The following CACNA1E variants were observed in gnomAD, a reference collection of about 807,000 sequenced individuals.
CACNA1E encodes the protein calcium voltage-gated channel subunit alpha1 E.
A neutral mutation model predicts 259.2 loss-of-function variants in CACNA1E; 40 were observed. The observed-to-expected ratio is 0.15, with a 90% CI of 0.12 to 0.20. CACNA1E has a LOEUF of 0.20. Ranked by LOEUF, CACNA1E falls within the 10% of genes least tolerant of loss-of-function variation. CACNA1E has a pLI of 1.00. For missense variants in CACNA1E, 1,874 were observed against 3,040.1 expected, an observed-to-expected ratio of 0.62 and a Z score of 9.02; for synonymous variants, 1,104 against 1,138.5, an observed-to-expected ratio of 0.97 and a Z score of 0.61.
At chr1:181,358,582 G>T (rs1315972940) in intron 1 of CACNA1E, among the ~76,000 whole-genome samples, 2 of 152,174 alleles carry the variant, frequency 1.3e-5, no homozygotes, top group African/African-American at 2.4e-5. Flanking sequence ...ACTAGGCATG[G>T]AGATTTCTTG....
chr1:181,417,492 T>C (rs1658355291), intron 2 of CACNA1E, among the ~76,000 whole-genome samples: 1 of 152,170 alleles, frequency 6.6e-6, no homozygotes, highest in Non-Finnish European at 1.5e-5. Flanking sequence ...CTGGCAAGAC[T>C]TCAGCCCTGC....
chr1:181,542,824 C>T (rs1390765923), intron 3 of CACNA1E, among the ~76,000 whole-genome samples: 1 of 149,904 alleles, frequency 6.7e-6, no homozygotes, highest in Non-Finnish European at 1.5e-5. Context: ...AGTAATGTTA[C>T]CTAAAGTAAC....
chr1:181,329,951 A>G (rs1651118184), intron 1 of CACNA1E, among the ~76,000 whole-genome samples: 1 of 152,084 alleles, frequency 6.6e-6, no homozygotes, highest in African/African-American at 2.4e-5. Context: ...GGTCCAAGGG[A>G]GTGGAGGGGA....
At chr1:181,607,179 T>C (rs1654316086) in intron 6 of CACNA1E, among the ~76,000 whole-genome samples, 1 of 152,220 alleles carries the variant, frequency 6.6e-6, no homozygotes. Flanking sequence ...AACACTTTTG[T>C]GCCTAGGGCT....
intron 10 of CACNA1E, 78 bp downstream of exon 10, chr1:181,716,207 C>G: frequency 1.1e-6 from 1 of 887,670 alleles, no homozygotes; most frequent in Non-Finnish European, 1.8e-6. Flanking sequence ...AGAAGCACCA[C>G]AAGGAGGGAA....
chr1:181,677,128 G>A (rs1380292616), intron 7 of CACNA1E, among the ~76,000 whole-genome samples: 2 of 151,972 alleles, frequency 1.3e-5, no homozygotes, highest in Admixed American at 1.3e-4. Context: ...GGGTAGGACT[G>A]GGCTTCTGTG....
chr1:181,589,322 A>C (rs1018618081), intron 6 of CACNA1E, among the ~76,000 whole-genome samples: 3 of 152,198 alleles, frequency 2.0e-5, no homozygotes, highest in African/African-American at 7.2e-5. Flanking sequence ...CAAGCCTACT[A>C]TGTGAATTTC....
At chr1:181,459,240 T>G (rs749377374) in intron 2 of CACNA1E, among the ~76,000 whole-genome samples, 2 of 152,236 alleles carry the variant, frequency 1.3e-5, no homozygotes, top group African/African-American at 2.4e-5. Flanking sequence ...CTTAATGCCC[T>G]AAGGCAGAAG....
rs192591601 is a variant in CACNA1E at position 181,332,830 on chromosome 1, T to C, written c.-15+14707T>C. 3.9e-5 allele frequency among the ~76,000 whole-genome samples: 6 copies of C among 152,344 alleles called. No homozygotes were observed. The East Asian group carries it at 1.2e-3, about 29-fold the overall frequency. Reference sequence around the variant, plus strand: ...AAACTGATAAAATGCACACTCCAAATGCTGATATTACATCTGGGACCCCAC... The same window carrying C: ...AAACTGATAAAATGCACACTCCAAACGCTGATATTACATCTGGGACCCCAC... On this transcript the variant is annotated intron_variant, in intron 1 of 11. Transcript: ENST00000524607.
At chr1:181,794,034 T>C (rs1661568046) in intron 45 of CACNA1E, among the ~76,000 whole-genome samples, 1 of 152,138 alleles carries the variant, frequency 6.6e-6, no homozygotes, top group Admixed American at 6.5e-5. Flanking sequence ...GGTTAAACAT[T>C]CTCAAGATTC....
chr1:181,660,078 G>A (rs1647487624), intron 7 of CACNA1E, among the ~76,000 whole-genome samples: 1 of 152,204 alleles, frequency 6.6e-6, no homozygotes, highest in East Asian at 1.9e-4. Context: ...CCCGGTATGT[G>A]TACAGGGCAG....
At chr1:181,750,986 G>A (rs1269114600) in intron 26 of CACNA1E, among the ~76,000 whole-genome samples, 1 of 152,036 alleles carries the variant, frequency 6.6e-6, no homozygotes, top group Non-Finnish European at 1.5e-5. Flanking sequence ...AGGGGGGTGG[G>A]GTAGGGGGGT....
At chr1:181,641,916 C>T (rs1210629214) in intron 6 of CACNA1E, among the ~76,000 whole-genome samples, 1 of 151,734 alleles carries the variant, frequency 6.6e-6, no homozygotes, top group African/African-American at 2.4e-5. Context: ...GTTTCACCAT[C>T]TTGGCCAGGC....
intron 7 of CACNA1E, 82 bp from the exon 8 acceptor site, chr1:181,710,872 T>C: frequency 4.0e-6 from 4 of 987,710 alleles, no homozygotes; most frequent in Non-Finnish European, 4.9e-6. Flanking sequence ...GCTCAGATGC[T>C]CTCTCTCTGT....
chr1:181,352,279 G>A (rs1356278001), intron 1 of CACNA1E, among the ~76,000 whole-genome samples: 1 of 152,168 alleles, frequency 6.6e-6, no homozygotes, highest in East Asian at 1.9e-4. Flanking sequence ...GAGTAAAAGG[G>A]CGGAGAGCAG....
intron 2 of CACNA1E, among the ~76,000 whole-genome samples, chr1:181,439,478 G>T (rs1471990539): frequency 6.6e-6 from 1 of 151,956 alleles, no homozygotes; most frequent in Non-Finnish European, 1.5e-5. Flanking sequence ...GTGTGAAACC[G>T]GTATACACAA....
At chr1:181,342,527 A>G (rs1363564740) in intron 1 of CACNA1E, among the ~76,000 whole-genome samples, 1 of 152,244 alleles carries the variant, frequency 6.6e-6, no homozygotes, top group African/African-American at 2.4e-5. Context: ...ATGGCTACAC[A>G]CACGGATGAA....
intron 7 of CACNA1E, among the ~76,000 whole-genome samples, chr1:181,701,303 A>C (rs72733201): frequency 0.048 from 7,308 of 152,244 alleles, 250 homozygotes; most frequent in Admixed American, 0.097. Context: ...GGAGTGCGAA[A>C]TGTGTCTCTG....
At chr1:181,728,612 A>G (rs1655141960) in intron 18 of CACNA1E, among the ~76,000 whole-genome samples, 1 of 149,268 alleles carries the variant, frequency 6.7e-6, no homozygotes, top group African/African-American at 2.5e-5. Context: ...GCCCAGGTGT[A>G]TGTGCCCTGC....
Sources: gnomAD v4.1 joint callset for allele counts (sites outside exome capture counted in the v4.1 genomes callset) on GRCh38, gnomAD v4.1.1 for gene constraint, MANE v1.5 for transcripts, NCBI Gene and HGNC (gene_info 2026-07-23, HGNC 2026-07-21) for gene names.